ARB2A: variants seen among roughly 807,000 people sequenced by gnomAD.
The protein encoded by ARB2A is ARB2 cotranscriptional regulator A.
chr5:94,107,670 C>G, the ARB2A span, among the ~76,000 whole-genome samples: 1 of 152,088 alleles, frequency 6.6e-6, no homozygotes, highest in Non-Finnish European at 1.5e-5. Context: ...ATTATACACT[C>G]AAATTACTCA....
the ARB2A span, among the ~76,000 whole-genome samples, chr5:93,854,671 G>C: frequency 1.3e-5 from 2 of 152,232 alleles, no homozygotes; most frequent in South Asian, 4.2e-4. Context: ...GTTCTCTTTG[G>C]TTTCAAAGAA....
At chr5:93,767,528 C>T in the ARB2A span, among the ~76,000 whole-genome samples, 1 of 152,080 alleles carries the variant, frequency 6.6e-6, no homozygotes, top group East Asian at 1.9e-4. Context: ...TCCTGGGTAT[C>T]TACCCAGAGG....
chr5:93,996,985 G>C, the ARB2A span, among the ~76,000 whole-genome samples: 1 of 151,940 alleles, frequency 6.6e-6, no homozygotes. Context: ...CGAGGAATTA[G>C]GAATATAGAA....
the ARB2A span, among the ~76,000 whole-genome samples, chr5:93,932,165 A>C: frequency 1.3e-5 from 2 of 152,196 alleles, no homozygotes; most frequent in African/African-American, 2.4e-5. Flanking sequence ...ACTTATTAAC[A>C]ACAATGGTGT....
the ARB2A span, among the ~76,000 whole-genome samples, chr5:93,629,489 G>A: frequency 1.3e-5 from 2 of 152,076 alleles, no homozygotes; most frequent in East Asian, 1.9e-4. Context: ...TCTGCAAAGT[G>A]TGATAACGTG....
chr5:93,959,631 A>T, the ARB2A span, among the ~76,000 whole-genome samples: 5 of 152,186 alleles, frequency 3.3e-5, no homozygotes, highest in African/African-American at 1.2e-4. Context: ...TCCAAATTTC[A>T]TTCAGATTGT....
the ARB2A span, among the ~76,000 whole-genome samples, chr5:94,047,217 C>T: frequency 6.6e-6 from 1 of 152,204 alleles, no homozygotes; most frequent in African/African-American, 2.4e-5. Flanking sequence ...TATGGCCAGG[C>T]ACAGTGGCTC....
the ARB2A span, among the ~76,000 whole-genome samples, chr5:94,070,672 A>G: frequency 6.6e-6 from 1 of 152,136 alleles, no homozygotes; most frequent in Non-Finnish European, 1.5e-5. Context: ...GGGAATGTTT[A>G]CTAATCACAT....
the ARB2A span, among the ~76,000 whole-genome samples, chr5:93,875,275 A>G: frequency 2.6e-4 from 40 of 151,966 alleles, no homozygotes; most frequent in Admixed American, 2.6e-3. Context: ...TCTGTCGCCC[A>G]GGGTGGAGCA....
At chr5:94,030,842 G>A in the ARB2A span, among the ~76,000 whole-genome samples, 2 of 152,176 alleles carry the variant, frequency 1.3e-5, no homozygotes, top group Non-Finnish European at 2.9e-5. Flanking sequence ...AGAATGGCTT[G>A]ATATAAAACG....
the ARB2A span, among the ~76,000 whole-genome samples, chr5:93,703,371 T>C: frequency 1.3e-5 from 2 of 152,118 alleles, no homozygotes; most frequent in South Asian, 4.1e-4. Flanking sequence ...TACTCATCTG[T>C]AAAAAAAGAT....
At chr5:93,931,798 T>C in the ARB2A span, among the ~76,000 whole-genome samples, 1 of 152,140 alleles carries the variant, frequency 6.6e-6, no homozygotes, top group African/African-American at 2.4e-5. Flanking sequence ...CCCACTCCTT[T>C]AAGTATAAAC....
chr5:94,022,868 A>T, the ARB2A span, among the ~76,000 whole-genome samples: 7 of 152,216 alleles, frequency 4.6e-5, no homozygotes, highest in African/African-American at 1.7e-4. Flanking sequence ...AGTCAACACA[A>T]ATCAGACCAT....
chr5:94,009,686 A>T, the ARB2A span, among the ~76,000 whole-genome samples: 2 of 152,092 alleles, frequency 1.3e-5, no homozygotes, highest in Non-Finnish European at 2.9e-5. Flanking sequence ...GCTTTGAGAA[A>T]GAAATCTGAA....
the ARB2A span, among the ~76,000 whole-genome samples, chr5:93,642,042 G>A: frequency 2.0e-5 from 3 of 151,624 alleles, no homozygotes; most frequent in Non-Finnish European, 2.9e-5. Context: ...GATTGCAGTG[G>A]AGATCATGGC....
the ARB2A span, among the ~76,000 whole-genome samples, chr5:93,903,165 G>A: frequency 6.6e-6 from 1 of 152,066 alleles, no homozygotes; most frequent in Admixed American, 6.6e-5. Context: ...TTATACACCA[G>A]CAAACGTATT....
At chr5:93,853,017 G>T in the ARB2A span, among the ~76,000 whole-genome samples, 1 of 152,152 alleles carries the variant, frequency 6.6e-6, no homozygotes, top group African/African-American at 2.4e-5. Flanking sequence ...GCTTGATGGG[G>T]ATGGCATTGG....
chr5:93,838,828 T>A, the ARB2A span, among the ~76,000 whole-genome samples: 1 of 152,332 alleles, frequency 6.6e-6, no homozygotes, highest in South Asian at 2.1e-4. Flanking sequence ...ACTGTGTTCC[T>A]GATTTGGCTC....
At chr5:93,804,766 CTCAGAAAAGAAATG>C in the ARB2A span, 1 of 440,688 alleles carries the variant, frequency 2.3e-6, no homozygotes, top group Non-Finnish European at 3.0e-6. Flanking sequence ...TGTTTTATTC[CTCAGAAAAGAAATG>C]CTTTTGCCTA....
Sources: allele counts gnomAD v4.1 joint callset (sites outside exome capture counted in the v4.1 genomes callset), GRCh38; gene constraint gnomAD v4.1.1; transcripts MANE v1.5; gene names NCBI Gene and HGNC (gene_info 2026-07-23, HGNC 2026-07-21).